Variants in IPP observed in about 807,000 individuals in gnomAD.
IPP encodes intracisternal A particle-promoted polypeptide.
IPP carries 41 observed loss-of-function variants against 64.1 expected under a neutral mutation model. The observed-to-expected ratio is 0.64, with a 90% CI of 0.50 to 0.83. IPP has a LOEUF of 0.83. Among genes scored for constraint, IPP ranks in the 40% least tolerant of loss-of-function variants. The probability of loss-of-function intolerance (pLI) is 0.00; values close to 1 mark genes in which losing one functional copy is unlikely to be tolerated. For missense variants in IPP, 649 were observed against 703.0 expected, an observed-to-expected ratio of 0.92 and a Z score of 0.87; for synonymous variants, 214 against 235.2, an observed-to-expected ratio of 0.91 and a Z score of 0.83.
At position 45,729,679 on chromosome 1, in the gene IPP, C is replaced by T; in HGVS notation, c.815G>A (p.Cys272Tyr). The T allele has an allele frequency of 6.2e-7, 1 of 1,612,826 alleles. No individual in the cohort carries two copies. Among genetic ancestry groups the T allele is most frequent in the Non-Finnish European group, 8.5e-7 (1 of 1,179,104 alleles). ...AACCTTAGATGTCTGCAGAAAACTACAAAACTTGTTCTCTTTGGGAGATTT... is the reference window on the plus strand; with the variant it reads ...AACCTTAGATGTCTGCAGAAAACTATAAAACTTGTTCTCTTTGGGAGATTT... ...VCKSPKENKF[C>Y]SFLQTSKVRP... Residue 272 changes from cysteine to tyrosine, a missense_variant, in exon 4 of 9, where the codon TGT (cysteine) becomes TAT (tyrosine). Coordinates refer to ENST00000396478, the MANE Select transcript of IPP (RefSeq NM_005897.3).
chr1:45,736,728 T>C (rs1347296915), intron 3 of IPP, among the ~76,000 whole-genome samples: 1 of 152,066 alleles, frequency 6.6e-6, no homozygotes, highest in Admixed American at 6.6e-5. Flanking sequence ...TAATTTTAAA[T>C]TATAAATTAT....
chr1:45,727,815 A>G lies in IPP; in HGVS notation c.881-17T>C. 1 of 1,492,248 alleles carries G rather than the reference A, an allele frequency of 6.7e-7. No homozygotes were observed. The allele number at this position is 1,492,248 out of a possible 1,614,324, so 92.4% of individuals were successfully genotyped here. On this transcript the variant is annotated splice_polypyrimidine_tract_variant and intron_variant, in intron 4 of 8. Transcript: ENST00000396478. The stretch of plus-strand genomic sequence containing the variant: ...TATATCCACCTAAACAAAAGAAGAA[A>G]AGGTAGTAATGAAAATCTACTGTTC...
chr1:45,746,325 C>G lies in IPP; in HGVS notation c.87G>C (p.Lys29Asn), dbSNP rs1364688478. The G allele has an allele frequency of 6.2e-7, 1 of 1,614,088 alleles. No homozygotes were observed. Among genetic ancestry groups the G allele is most frequent in the Admixed American group, 1.7e-5 (1 of 60,006 alleles). Residue 29 changes from lysine (K) to asparagine (N), a missense_variant, in exon 2 of 9, where the codon AAG becomes AAC. Lys to Asn is a moderately conservative substitution (Grantham distance 94). Transcript: ENST00000396478. ...HAQLILAQIN[K>N]MRNGQHFCDV... ...CACAGAAATGCTGTCCATTTCTCAT[C>G]TTATTGATTTGGGCCAAGATGAGTT...
At chr1:45,713,249 G>A (rs891977123) in intron 8 of IPP, among the ~76,000 whole-genome samples, 3 of 151,886 alleles carry the variant, frequency 2.0e-5, no homozygotes, top group Non-Finnish European at 4.4e-5. Context: ...GTTACATAGC[G>A]AGACCCTAAC....
intron 5 of IPP, among the ~76,000 whole-genome samples, chr1:45,723,970 C>CCCCCTA: frequency 6.8e-6 from 1 of 147,110 alleles, no homozygotes; most frequent in Non-Finnish European, 1.5e-5. Flanking sequence ...CTCTCCCTCT[C>CCCCCTA]CCCCTCCCCC....
chr1:45,711,014 G>A (rs995662860), intron 8 of IPP, among the ~76,000 whole-genome samples: 5 of 139,312 alleles, frequency 3.6e-5, no homozygotes, highest in Admixed American at 7.3e-5. Flanking sequence ...GCGAGACTCC[G>A]TCTCAAAACA....
Position 45,699,402 on chromosome 1 carries a change from T to G in IPP, c.*564A>C, listed in dbSNP as rs949111336. Reference sequence around the variant, plus strand: ...CTTTAAACTGTGTCATTGACACTATTCCTATATCACATAAAGTTTTATGTT... The same window carrying G: ...CTTTAAACTGTGTCATTGACACTATGCCTATATCACATAAAGTTTTATGTT... On this transcript the variant is annotated 3_prime_UTR_variant, in exon 9 of 9. Transcript: ENST00000396478. 4 of 985,498 alleles carry G rather than the reference T, an allele frequency of 4.1e-6. No homozygotes were observed. In the African/African-American group the frequency reaches 5.2e-5, roughly 13 times the overall value. The allele number at this position is 985,498 out of a possible 1,614,324, so 61.0% of individuals were successfully genotyped here.
intron 8 of IPP, among the ~76,000 whole-genome samples, chr1:45,712,394 C>T (rs74816719): frequency 0.011 from 1,689 of 150,716 alleles, 32 homozygotes; most frequent in African/African-American, 0.038. Context: ...ATGTACATGA[C>T]GTATTAATAA....
At chr1:45,739,125 CATT>C (rs1322508710) in intron 3 of IPP, among the ~76,000 whole-genome samples, 1 of 152,100 alleles carries the variant, frequency 6.6e-6, no homozygotes, top group Non-Finnish European at 1.5e-5. Context: ...ACTAATAACT[CATT>C]ATTTTAAATT....
rs1284337877 is a variant in IPP, at chr1:45,746,413, A to ATGAC, written c.-6_-3dup. 6.3e-7 allele frequency: 1 copy of ATGAC among 1,599,856 alleles called. No individual in the cohort carries two copies. Among genetic ancestry groups the ATGAC allele is most frequent in the Non-Finnish European group, 8.6e-7 (1 of 1,168,612 alleles). ...CTTGGGACAGTCCTCATTAGCCATG[A>ATGAC]TGACGGTAGATTAATTAAAAGGACT... On this transcript the variant is annotated 5_prime_UTR_variant, in exon 2 of 9. Coordinates refer to ENST00000396478, the MANE Select transcript of IPP (RefSeq NM_005897.3).
downstream of IPP, chr1:45,698,601 G>T: frequency 1.3e-6 from 1 of 792,950 alleles, no homozygotes; most frequent in Non-Finnish European, 1.5e-6. Flanking sequence ...ACTTAGGTTT[G>T]CCCAAGTACA....
intron 3 of IPP, among the ~76,000 whole-genome samples, chr1:45,732,021 TAGAC>T (rs1557754760): frequency 6.6e-6 from 1 of 151,624 alleles, no homozygotes; most frequent in Non-Finnish European, 1.5e-5. Flanking sequence ...CAGCTACAAA[TAGAC>T]AGACTCCTCG....
At chr1:45,748,766 G>A (rs888667307) in intron 1 of IPP, among the ~76,000 whole-genome samples, 7 of 152,102 alleles carry the variant, frequency 4.6e-5, no homozygotes, top group African/African-American at 1.4e-4. Context: ...GAGGTCAGGC[G>A]TTCAGGACCA....
chr1:45,732,054 C>A (rs539901655), intron 3 of IPP, among the ~76,000 whole-genome samples: 10 of 152,066 alleles, frequency 6.6e-5, no homozygotes, highest in African/African-American at 2.4e-4. Context: ...TCACATGATA[C>A]AATTGTTTAA....
intron 2 of IPP, among the ~76,000 whole-genome samples, chr1:45,742,415 A>G (rs1175307509): frequency 6.6e-6 from 1 of 152,236 alleles, no homozygotes; most frequent in African/African-American, 2.4e-5. Context: ...AACAACAAAT[A>G]AAGTCTATGC....
chr1:45,698,293 A>C (rs1341289187), downstream of IPP, among the ~76,000 whole-genome samples: 2 of 151,858 alleles, frequency 1.3e-5, no homozygotes, highest in African/African-American at 4.8e-5. Context: ...ATTCCATCTC[A>C]AAAAAAAATT....
intron 8 of IPP, among the ~76,000 whole-genome samples, chr1:45,701,928 G>A (rs1645461173): frequency 6.6e-6 from 1 of 152,042 alleles, no homozygotes; most frequent in East Asian, 1.9e-4. Context: ...CTAAACCAGG[G>A]ACAATTCTTT....
At chr1:45,747,181 C>T (rs1018220163) in intron 1 of IPP, among the ~76,000 whole-genome samples, 1 of 152,042 alleles carries the variant, frequency 6.6e-6, no homozygotes, top group African/African-American at 2.4e-5. Context: ...TACTATCTTT[C>T]ATAGCTTTAG....
chr1:45,730,851 G>C (rs1458622004), intron 3 of IPP, among the ~76,000 whole-genome samples: 3 of 152,162 alleles, frequency 2.0e-5, no homozygotes, highest in African/African-American at 4.8e-5. Context: ...TTTGCAGACA[G>C]AATCAAGAAT....
Sources: allele counts gnomAD v4.1 joint callset (sites outside exome capture counted in the v4.1 genomes callset), GRCh38; gene constraint gnomAD v4.1.1; transcripts MANE v1.5; gene names NCBI Gene and HGNC (gene_info 2026-07-23, HGNC 2026-07-21).